Variants in FLNA observed in about 807,000 individuals in gnomAD.
FLNA encodes filamin-A.
In FLNA, 7 loss-of-function variants were observed where a neutral mutation model predicts 157.6. The ratio of observed to expected loss-of-function variants is 0.04; its 90% CI spans 0.03 to 0.08. The LOEUF (loss-of-function observed/expected upper bound fraction) is 0.08, where lower values mean the gene tolerates loss of function less well. FLNA is among the 10% of genes least tolerant of loss of function. The pLI is 1.00. For synonymous variants in FLNA, 1,103 were observed against 1,060.8 expected (o/e 1.04, Z -0.77); for missense variants, 1,750 against 2,398.4 (o/e 0.73, Z 5.65).
At position 154,364,264 on chromosome X, in the gene FLNA, C is replaced by A; in HGVS notation, c.2131G>T (p.Val711Phe). ...HGGKAPLRVQ[V>F]QDNEGCPVEA... Reference sequence around the variant, plus strand: ...AACACCCGTGGGTGCTCTACCTGGACTTGGACCCGAAGTGGGGCCTTGCCA... The same window carrying A: ...AACACCCGTGGGTGCTCTACCTGGAATTGGACCCGAAGTGGGGCCTTGCCA... Residue 711 changes from valine to phenylalanine, a missense_variant, in exon 14 of 48, where the codon GTC becomes TTC. Around this residue, in one of 5 missense-constraint regions of FLNA, gnomAD observed 648 missense variants for 805.8 expected, o/e 0.80. Transcript: ENST00000369850. 1 of 1,211,175 alleles carries A rather than the reference C, an allele frequency of 8.3e-7. No individual in the cohort carries two copies. Among genetic ancestry groups the A allele is most frequent in the East Asian group, 3.0e-5 (1 of 33,840 alleles).
rs782530835 is a variant in FLNA at position 154,348,969 on chromosome X, G to A, written c.7824C>T (p.His2608=). The A allele has an allele frequency of 2.8e-5, 34 of 1,209,782 alleles. No individual in the cohort carries two copies. The highest frequency in any genetic ancestry group is 2.3e-4 in the Middle Eastern group (1 of 4,367). The change falls in exon 48 of 48, where the codon CAC becomes CAT. Residue 2608 remains histidine (H), a synonymous_variant. Coordinates refer to ENST00000369850, the MANE Select transcript of FLNA (RefSeq NM_001110556.2). ...ACACGCTGTAGAGCCGGCTGCCCAC[G>A]TGCTTCACCAGGATCTCCTCGCAGG... ...RTPCEEILVK[H]VGSRLYSVSY...
intron 1 of FLNA, among the ~76,000 whole-genome samples, chrX:154,373,352 T>C (rs1557180747): frequency 9.0e-6 from 1 of 111,099 alleles, no homozygotes; most frequent in African/African-American, 3.3e-5. Flanking sequence ...GCAGAAAGAG[T>C]GTCAGGAGGT....
intron 45 of FLNA, 66 bp downstream of exon 45, chrX:154,349,965 A>T: frequency 8.4e-7 from 1 of 1,191,936 alleles, no homozygotes; most frequent in Non-Finnish European, 1.1e-6. Flanking sequence ...TCCTGTTGTC[A>T]CCAAGAGCTT....
In FLNA at chrX:154,353,059, G is replaced by A. The variant is rs1557176111; in HGVS notation, c.6168C>T (p.Gly2056=). The change falls in exon 38 of 48, where the codon GGC becomes GGT. Residue 2056 remains glycine (G), a synonymous_variant. Transcript: ENST00000369850. ...DASRVRVSGQ[G]LHEGHTFEPA... ...GCTCAAAGGTGTGGCCTTCGTGAAG[G>A]CCCTGACCAGAGACCCGAACACGAC... 1 of 1,211,596 alleles carries A rather than the reference G, an allele frequency of 8.3e-7. No homozygotes were observed. The highest frequency in any genetic ancestry group is 3.0e-5 in the East Asian group (1 of 33,855).
At position 154,365,615 on chromosome X, in the gene FLNA, G is replaced by A. The variant is rs1021756705; in HGVS notation, c.1430-129C>T. ...TGGCTGGAGGGGGACATGCAAGACAGAACTGGAAGGGACTGTGACCCCAGG... is the reference window on the plus strand; with the variant it reads ...TGGCTGGAGGGGGACATGCAAGACAAAACTGGAAGGGACTGTGACCCCAGG... On this transcript the variant is annotated intron_variant, in intron 9 of 47. Transcript: ENST00000369850. 9 of 819,821 alleles carry A rather than the reference G, an allele frequency of 1.1e-5. No homozygotes were observed. The African/African-American group carries it at 1.6e-4, about 15-fold the overall frequency. 67.6% of individuals were successfully genotyped at this position (819,821 alleles called of 1,213,427 possible).
rs2067684557 is a variant in FLNA at position 154,359,138 on chromosome X, G to A, written c.4320C>T (p.Val1440=). The change falls in exon 26 of 48, where the codon GTC becomes GTT. Residue 1440 remains valine, a synonymous_variant. Coordinates refer to ENST00000369850, the MANE Select transcript of FLNA (RefSeq NM_001110556.2). ...ACGCATCTGTCACATCATGCACAGG[G>A]ACCTTGAAAGGACTGCCTGAGGGTT... ...GHQVPGSPFK[V]PVHDVTDASK... 3 of 1,210,079 alleles carry A rather than the reference G, an allele frequency of 2.5e-6. No individual in the cohort carries two copies. The highest frequency in any genetic ancestry group is 3.4e-6 in the Non-Finnish European group (3 of 895,328).
At chrX:154,358,411 C>T in intron 27 of FLNA, 34 bp downstream of exon 27, 1 of 1,211,004 alleles carries the variant, frequency 8.3e-7, no homozygotes, top group Non-Finnish European at 1.1e-6. Flanking sequence ...CCAGCCTGGG[C>T]CACTCCCCAC....
intron 1 of FLNA, among the ~76,000 whole-genome samples, chrX:154,371,712 C>T (rs1233835341): frequency 8.9e-6 from 1 of 112,961 alleles, no homozygotes; most frequent in Non-Finnish European, 1.9e-5. Context: ...CCCCAGGGCC[C>T]CTGCGGGGGG....
Position 154,351,706 on chromosome X carries a change from GAA to G in FLNA, c.6908-12_6908-11del. ...GAGACTTCGTAGTCACCTGGGCAGGGAAAGAGTGTAAGACCGGCTCATCAGCC... is the reference window on the plus strand; with the variant it reads ...GAGACTTCGTAGTCACCTGGGCAGGGAGAGTGTAAGACCGGCTCATCAGCC... On this transcript the variant is annotated splice_polypyrimidine_tract_variant and intron_variant, in intron 42 of 47. Coordinates refer to ENST00000369850, the MANE Select transcript of FLNA (RefSeq NM_001110556.2). The G allele has an allele frequency of 2.6e-6, 3 of 1,164,119 alleles. No individual in the cohort carries two copies. The highest frequency in any genetic ancestry group is 3.5e-6 in the Non-Finnish European group (3 of 852,044).
Position 154,360,152 on chromosome X carries a change from C to T in FLNA, c.3643G>A (p.Gly1215Ser), listed in dbSNP as rs782482207. Reference sequence around the variant, plus strand: ...GGAATGTAGGTAATGGTGTGCGTGCCATCACCGTGGTCCTGGATGTACACC... The same window carrying T: ...GGAATGTAGGTAATGGTGTGCGTGCTATCACCGTGGTCCTGGATGTACACC... Reference protein sequence around the residue: ...AEVYIQDHGDGTHTITYIPLC... With the variant: ...AEVYIQDHGDSTHTITYIPLC... Residue 1215 changes from glycine (G) to serine (S), a missense_variant, in exon 22 of 48, where the codon GGC (glycine) becomes AGC (serine). Gly to Ser is a moderately conservative substitution (Grantham distance 56). Transcript: ENST00000369850. 38 of 1,208,775 alleles carry T rather than the reference C, an allele frequency of 3.1e-5. No individual in the cohort carries two copies. Among genetic ancestry groups the T allele is most frequent in the Non-Finnish European group, 4.0e-5 (36 of 893,937 alleles).
At position 154,348,994 on chromosome X, in the gene FLNA, G is replaced by A. The variant is rs1557175183; in HGVS notation, c.7799C>T (p.Pro2600Leu). The A allele has an allele frequency of 1.7e-6, 2 of 1,211,221 alleles. No homozygotes were observed. The highest frequency in any genetic ancestry group is 1.8e-5 in the South Asian group (1 of 56,953). ...GTGCTTCACCAGGATCTCCTCGCAG[G>A]GGGTCCTTGGGCCATGAACCCCCAC... ...LLVGVHGPRT[P>L]CEEILVKHVG... The change falls in exon 48 of 48, where the codon CCC becomes CTC. Residue 2600 changes from proline to leucine, a missense_variant. Transcript: ENST00000369850.
At chrX:154,349,319 C>T in intron 47 of FLNA, 43 bp downstream of exon 47, 1 of 1,166,960 alleles carries the variant, frequency 8.6e-7, no homozygotes, top group Non-Finnish European at 1.2e-6. Flanking sequence ...GATTTCTGGC[C>T]TCATTTTGGT....
intron 31 of FLNA, 49 bp from the exon 32 acceptor site, chrX:154,354,760 G>GC: frequency 8.3e-7 from 1 of 1,209,043 alleles, no homozygotes; most frequent in Non-Finnish European, 1.1e-6. Context: ...TCACAGAGGG[G>GC]CCCCAGGGGA....
Position 154,348,706 on chromosome X carries a change from A to T in FLNA, c.*143T>A. Reference sequence around the variant, plus strand: ...CAGCGGCTGGCTGGGGAGGCAGGTGAGCGCAGCACGGCACAGGGCAGGGGC... The same window carrying T: ...CAGCGGCTGGCTGGGGAGGCAGGTGTGCGCAGCACGGCACAGGGCAGGGGC... On this transcript the variant is annotated 3_prime_UTR_variant, in exon 48 of 48. Transcript: ENST00000369850. 2.0e-6 allele frequency: 1 copy of T among 505,821 alleles called. No individual in the cohort carries two copies. The highest frequency in any genetic ancestry group is 3.9e-5 in the East Asian group (1 of 25,502). 41.7% of individuals were successfully genotyped at this position (505,821 alleles called of 1,213,427 possible).
Position 154,353,700 on chromosome X carries a change from G to A in FLNA, c.5714C>T (p.Pro1905Leu), listed in dbSNP as rs781794030. The A allele has an allele frequency of 6.6e-6, 8 of 1,209,660 alleles. No homozygotes were observed. The highest frequency in any genetic ancestry group is 8.9e-6 in the Non-Finnish European group (8 of 894,821). Residue 1905 changes from proline (P) to leucine (L), a missense_variant, in exon 36 of 48, where the codon CCG becomes CTG. This residue lies in a region of FLNA where 970 missense variants were observed against 1,302.6 expected (regional missense o/e 0.74). Transcript: ENST00000369850. ...AGTGCAGCTGATTTCTGCTTTGGAC[G>A]GGCCCTCAATGGCCAGAGACAGGCC... ...EGGLSLAIEG[P>L]SKAEISCTDN...
intron 43 of FLNA, 43 bp downstream of exon 43, chrX:154,351,538 G>A (rs782034011): frequency 1.5e-5 from 14 of 945,449 alleles, no homozygotes; most frequent in South Asian, 5.9e-5. Flanking sequence ...TGGTCTGTCC[G>A]GGCCCAGGAG....
chrX:154,351,252 C>G (rs2067616665), intron 43 of FLNA: 1 of 462,851 alleles, frequency 2.2e-6, no homozygotes, highest in African/African-American at 2.4e-5. Context: ...CGCACACACC[C>G]AGGTGGCAGG....
rs1287150584 is a variant in FLNA, at chrX:154,367,896, G to A, written c.568C>T (p.Arg190Trp). The A allele has an allele frequency of 3.3e-6, 4 of 1,209,530 alleles. No individual in the cohort carries two copies. Among genetic ancestry groups the A allele is most frequent in the Non-Finnish European group, 4.5e-6 (4 of 895,040 alleles). The change falls in exon 3 of 48, where the codon CGG becomes TGG. Residue 190 changes from arginine (R) to tryptophan (W), a missense_variant. Physicochemically the swap from Arg to Trp is moderately radical, Grantham distance 101. Transcript: ENST00000369850. ...LPQLPITNFSRDWQSGRALGA... is the reference protein window; with the variant it reads ...LPQLPITNFSWDWQSGRALGA... ...AGGGCCCGGCCGCTCTGCCAGTCCC[G>A]GCTGAAGTTGGTGATGGGCAGCTGC... is the stretch of plus-strand genomic sequence containing the variant.
At chrX:154,366,675 A>G in intron 6 of FLNA, 36 bp from the exon 7 acceptor site, 1 of 1,203,539 alleles carries the variant, frequency 8.3e-7, no homozygotes, top group South Asian at 1.8e-5. Flanking sequence ...CTTTGCTAAG[A>G]GCAGCCCCAC....
Sources: gnomAD v4.1 joint callset for allele counts (sites outside exome capture counted in the v4.1 genomes callset) on GRCh38, gnomAD v4.1.1 for gene constraint, gnomAD v4.1.1 regional missense constraint, MANE v1.5 for transcripts, NCBI Gene and HGNC (gene_info 2026-07-23, HGNC 2026-07-21) for gene names.